The following LRP1B variants were observed in gnomAD, a reference collection of about 807,000 sequenced individuals.
LRP1B encodes the protein low-density lipoprotein receptor-related protein 1B.
LRP1B carries 217 observed loss-of-function variants against 556.6 expected under a neutral mutation model. The observed-to-expected ratio is 0.39, with a 90% confidence interval of 0.35 to 0.44. The LOEUF is 0.44. Among genes scored for constraint, LRP1B ranks in the 20% least tolerant of loss-of-function variants. LRP1B has a pLI of 1.00. For synonymous variants in LRP1B, 2,047 were observed against 1,865.8 expected (o/e 1.10, Z -2.50); for missense variants, 5,053 against 5,620.8 (o/e 0.90, Z 3.23).
intron 43 of LRP1B, among the ~76,000 whole-genome samples, chr2:140,554,389 C>T (rs1053721328): frequency 1.3e-5 from 2 of 152,060 alleles, no homozygotes; most frequent in Non-Finnish European, 2.9e-5. Context: ...TACATTTAAA[C>T]AGTTTGTGAT....
chr2:140,760,777 T>G (rs1290126148), intron 35 of LRP1B, among the ~76,000 whole-genome samples: 1 of 152,118 alleles, frequency 6.6e-6, no homozygotes, highest in African/African-American at 2.4e-5. Flanking sequence ...TCCCAGCTAC[T>G]TGGGAAGCAG....
chr2:141,236,007 T>C (rs1457874012), intron 5 of LRP1B, among the ~76,000 whole-genome samples: 1 of 152,118 alleles, frequency 6.6e-6, no homozygotes, highest in African/African-American at 2.4e-5. Flanking sequence ...TATAATGTGA[T>C]CAAAACTATG....
At chr2:140,891,261 TTTTC>T (rs1262693597) in intron 23 of LRP1B, among the ~76,000 whole-genome samples, 3 of 152,140 alleles carry the variant, frequency 2.0e-5, no homozygotes, top group Non-Finnish European at 4.4e-5. Flanking sequence ...TCTTCTTTGT[TTTTC>T]TTTTAGTCCC....
intron 32 of LRP1B, among the ~76,000 whole-genome samples, chr2:140,779,749 TGAGAGA>T (rs140016990): frequency 1.9e-5 from 2 of 105,828 alleles, no homozygotes; most frequent in African/African-American, 7.2e-5. Context: ...TGTCTCTCTG[TGAGAGA>T]GTGTGTGTGT....
chr2:140,658,236 G>T (rs1285679536), intron 41 of LRP1B, among the ~76,000 whole-genome samples: 2 of 151,908 alleles, frequency 1.3e-5, no homozygotes, highest in Non-Finnish European at 2.9e-5. Flanking sequence ...TACTTTGAAG[G>T]AAAAATATGG....
intron 32 of LRP1B, among the ~76,000 whole-genome samples, chr2:140,794,747 G>A (rs1291201370): frequency 2.6e-5 from 4 of 151,782 alleles, no homozygotes; most frequent in African/African-American, 9.7e-5. Context: ...CCAAGTAGCT[G>A]GTATTACAGG....
intron 41 of LRP1B, among the ~76,000 whole-genome samples, chr2:140,693,160 T>C (rs1053917646): frequency 1.3e-5 from 2 of 152,190 alleles, no homozygotes; most frequent in African/African-American, 4.8e-5. Flanking sequence ...TCATATTGTG[T>C]TAATTACTTT....
intron 8 of LRP1B, among the ~76,000 whole-genome samples, chr2:141,060,000 A>G (rs1005748782): frequency 6.6e-6 from 1 of 151,836 alleles, no homozygotes; most frequent in South Asian, 2.1e-4. Flanking sequence ...TATATTGCAC[A>G]CTTTTAATAC....
At chr2:140,751,155 G>T (rs1158339749) in intron 35 of LRP1B, among the ~76,000 whole-genome samples, 2 of 151,894 alleles carry the variant, frequency 1.3e-5, no homozygotes, top group African/African-American at 4.8e-5. Context: ...ATCATGCCTG[G>T]CTAATTTTTG....
chr2:141,232,853 A>G (rs1683521937), intron 5 of LRP1B, among the ~76,000 whole-genome samples: 1 of 152,192 alleles, frequency 6.6e-6, no homozygotes, highest in South Asian at 2.1e-4. Context: ...CAGAAGGTCA[A>G]ATATGGAGGA....
intron 86 of LRP1B, among the ~76,000 whole-genome samples, chr2:140,259,845 A>G (rs1681855017): frequency 6.6e-6 from 1 of 151,956 alleles, no homozygotes; most frequent in Admixed American, 6.6e-5. Context: ...CCATACACAG[A>G]GGGAGAGGTC....
rs368407225 is a variant in LRP1B at position 141,005,466 on chromosome 2, G to A, written c.2381-9C>T. 5.0e-6 allele frequency: 8 copies of A among 1,608,142 alleles called. No homozygotes were observed. The African/African-American group carries it at 9.4e-5, about 19-fold the overall frequency. On this transcript the variant is annotated splice_polypyrimidine_tract_variant and intron_variant, in intron 14 of 90. Transcript: ENST00000389484. ...TCGGCACATATTGTCACCTGCAAGAGGAAGAAAGCAAATGTGTCAGAGAAC... is the reference window on the plus strand; with the variant it reads ...TCGGCACATATTGTCACCTGCAAGAAGAAGAAAGCAAATGTGTCAGAGAAC...
At chr2:141,057,631 GCTCT>G (rs1188436135) in intron 9 of LRP1B, among the ~76,000 whole-genome samples, 1 of 151,796 alleles carries the variant, frequency 6.6e-6, no homozygotes. Flanking sequence ...TCCTGCACAA[GCTCT>G]CTGTCTGTGG....
chr2:140,290,042 C>T (rs897140867), intron 84 of LRP1B, among the ~76,000 whole-genome samples: 1 of 151,996 alleles, frequency 6.6e-6, no homozygotes, highest in Admixed American at 6.6e-5. Context: ...CTACTTTGCT[C>T]ACATGCATCC....
intron 20 of LRP1B, among the ~76,000 whole-genome samples, chr2:140,937,864 T>C (rs1009116325): frequency 6.6e-6 from 1 of 152,080 alleles, no homozygotes; most frequent in African/African-American, 2.4e-5. Context: ...CAAATCAAGT[T>C]TTGATAGCCT....
At chr2:140,615,313 A>G (rs1006997964) in intron 41 of LRP1B, among the ~76,000 whole-genome samples, 1 of 152,072 alleles carries the variant, frequency 6.6e-6, no homozygotes, top group Non-Finnish European at 1.5e-5. Context: ...TGACCCAACA[A>G]TCATCATTCC....
chr2:140,831,589 A>C (rs1021225611), intron 31 of LRP1B, among the ~76,000 whole-genome samples: 1 of 152,174 alleles, frequency 6.6e-6, no homozygotes, highest in Non-Finnish European at 1.5e-5. Context: ...ACATTTGGGC[A>C]ACACTTCAGG....
chr2:141,102,413 G>A (rs192028008), intron 7 of LRP1B, among the ~76,000 whole-genome samples: 10 of 152,122 alleles, frequency 6.6e-5, no homozygotes, highest in African/African-American at 2.2e-4. Context: ...CTGTCACTGG[G>A]AACAGAGCAA....
At chr2:140,700,042 C>A (rs1453817086) in intron 41 of LRP1B, among the ~76,000 whole-genome samples, 1 of 125,170 alleles carries the variant, frequency 8.0e-6, no homozygotes, top group Non-Finnish European at 1.6e-5. Flanking sequence ...AGGTAATAAT[C>A]ATAATTTGCT....
Sources: allele counts gnomAD v4.1 joint callset (sites outside exome capture counted in the v4.1 genomes callset), GRCh38; gene constraint gnomAD v4.1.1; transcripts MANE v1.5; gene names NCBI Gene and HGNC (gene_info 2026-07-23, HGNC 2026-07-21).